SRCIN1: variants seen among roughly 807,000 people sequenced by gnomAD.
The protein encoded by SRCIN1 is SRC kinase signaling inhibitor 1.
In SRCIN1, 50 loss-of-function variants were observed where a neutral mutation model predicts 116.2. That is an observed-to-expected ratio of 0.43 (90% CI 0.34 to 0.54). The LOEUF (loss-of-function observed/expected upper bound fraction) is 0.54. Ranked by LOEUF, SRCIN1 falls within the 20% of genes least tolerant of loss-of-function variation. The probability of loss-of-function intolerance (pLI) is 0.02; values close to 1 mark genes in which losing one functional copy is unlikely to be tolerated. For missense variants in SRCIN1, 1,446 were observed against 1,672.0 expected, an observed-to-expected ratio of 0.86 and a Z score of 2.36; for synonymous variants, 736 against 750.0, an observed-to-expected ratio of 0.98 and a Z score of 0.30.
intron 18 of SRCIN1, among the ~76,000 whole-genome samples, chr17:38,536,975 G>C (rs1904415272): frequency 6.6e-6 from 1 of 151,982 alleles, no homozygotes; most frequent in Non-Finnish European, 1.5e-5. Flanking sequence ...CCAGGAGTTT[G>C]AGACCAGCCT....
intron 3 of SRCIN1, among the ~76,000 whole-genome samples, chr17:38,567,757 G>A (rs937208595): frequency 6.6e-6 from 1 of 152,122 alleles, no homozygotes; most frequent in Non-Finnish European, 1.5e-5. Context: ...TGCCTAGCAC[G>A]GACCAGCCCC....
At chr17:38,560,668 G>A (rs1451993611) in intron 7 of SRCIN1, among the ~76,000 whole-genome samples, 2 of 152,130 alleles carry the variant, frequency 1.3e-5, no homozygotes, top group Non-Finnish European at 2.9e-5. Context: ...TCCCCTGCCT[G>A]CTCTGCCTTT....
At chr17:38,551,493 G>A (rs1000325082) in intron 14 of SRCIN1, 104 bp from the exon 15 acceptor site, 42 of 1,002,440 alleles carry the variant, frequency 4.2e-5, no homozygotes, top group Middle Eastern at 4.8e-4. Flanking sequence ...AATAGAAAAC[G>A]AAGCCTCATA....
chr17:38,600,150 T>C (rs550722686), intron 1 of SRCIN1, among the ~76,000 whole-genome samples: 1 of 152,344 alleles, frequency 6.6e-6, no homozygotes, highest in African/African-American at 2.4e-5. Context: ...TTGCTGCATT[T>C]CCTCTGGCCC....
chr17:38,533,103 A>AAAC lies in SRCIN1; in HGVS notation c.*193_*194insGTT. On this transcript the variant is annotated 3_prime_UTR_variant, in exon 19 of 19. Transcript: ENST00000617146. ...AATTAAAAGTTAATTGTTAAAAAAAAAAAAAAAAACAAAACCAAAAACACC... is the reference window on the plus strand; with the variant it reads ...AATTAAAAGTTAATTGTTAAAAAAAAAACAAAAAAAAACAAAACCAAAAACACC... 1 of 424,130 alleles carries AAAC rather than the reference A, an allele frequency of 2.4e-6. No individual in the cohort carries two copies. The highest frequency in any genetic ancestry group is 3.7e-6 in the Non-Finnish European group (1 of 267,848). The allele number at this position is 424,130 out of a possible 1,614,324, so 26.3% of individuals were successfully genotyped here.
At position 38,562,501 on chromosome 17, in the gene SRCIN1, A is replaced by G. The variant is rs1404161924; in HGVS notation, c.835-173T>C. 3.3e-5 allele frequency among the ~76,000 whole-genome samples: 5 copies of G among 152,116 alleles called. No homozygotes were observed. On this transcript the variant is annotated intron_variant, in intron 6 of 18. Transcript: ENST00000617146. This position sits in a 1 kb window ranked among gnomAD's most constrained non-coding sequence, Gnocchi z 4.2. ...TTTCCCATCAGGGTTCCTAGCATGG[A>G]GGAAAAGGTGGCCGATGAAGAGGCA... is the stretch of plus-strand genomic sequence containing the variant.
chr17:38,547,898 G>A (rs957801043), intron 17 of SRCIN1: 1 of 173,030 alleles, frequency 5.8e-6, no homozygotes, highest in African/African-American at 2.4e-5. Flanking sequence ...AGCAGAAGGT[G>A]GGGGCAGGTT....
chr17:38,556,527 C>T lies in SRCIN1; in HGVS notation c.2201+1700G>A, dbSNP rs142354997. On this transcript the variant is annotated intron_variant, in intron 11 of 18. Transcript: ENST00000617146. The stretch of plus-strand genomic sequence containing the variant: ...TATAGCAAATTGGAGCAAGAGTAAG[C>T]GTAAGCTCCTGGAGTAACCACGAGC... 1.3e-3 allele frequency among the ~76,000 whole-genome samples: 199 copies of T among 152,358 alleles called. 1 individual carries two copies. Among genetic ancestry groups the T allele is most frequent in the South Asian group, 5.8e-3 (28 of 4,832 alleles).
intron 2 of SRCIN1, among the ~76,000 whole-genome samples, chr17:38,575,942 T>A (rs1181139805): frequency 1.3e-5 from 2 of 152,184 alleles, no homozygotes; most frequent in Non-Finnish European, 2.9e-5. Flanking sequence ...CCATGGCAAG[T>A]GAACGGGCCA....
At chr17:38,543,767 G>T in intron 18 of SRCIN1, 56 bp downstream of exon 18, 1 of 1,575,826 alleles carries the variant, frequency 6.3e-7, no homozygotes, top group African/African-American at 1.3e-5. Flanking sequence ...CAGTGGGGCA[G>T]GGGCCCGGCA....
intron 3 of SRCIN1, among the ~76,000 whole-genome samples, chr17:38,566,323 C>T (rs917344701): frequency 6.6e-6 from 1 of 152,184 alleles, no homozygotes; most frequent in African/African-American, 2.4e-5. Flanking sequence ...GCCCAGTGGG[C>T]ACCTTTCCAT....
chr17:38,570,892 G>A (rs1265613299), intron 2 of SRCIN1, among the ~76,000 whole-genome samples: 1 of 152,230 alleles, frequency 6.6e-6, no homozygotes, highest in Non-Finnish European at 1.5e-5. Context: ...CCGGTCACTT[G>A]GATGCATGAG....
In SRCIN1 at chr17:38,562,895, T is replaced by C; in HGVS notation, c.766A>G (p.Lys256Glu). 1 of 1,613,732 alleles carries C rather than the reference T, an allele frequency of 6.2e-7. No homozygotes were observed. The highest frequency in any genetic ancestry group is 8.5e-7 in the Non-Finnish European group (1 of 1,179,794). ...TAGAGGGGCTCCTTTCTGTAGATCT[T>C]GATAATACTGCGGTCCTGGATGTCC... is the stretch of plus-strand genomic sequence containing the variant. ...VRDIQDRSII[K>E]IYRKEPLYAA... The change falls in exon 6 of 19, where the codon AAG becomes GAG. Residue 256 changes from lysine to glutamate, a missense_variant. By Grantham distance (56) the Lys-to-Glu change is moderately conservative. Transcript: ENST00000617146. This position sits in a 1 kb window ranked among gnomAD's most constrained non-coding sequence, Gnocchi z 4.2.
chr17:38,592,910 A>C (rs969477101), intron 1 of SRCIN1, among the ~76,000 whole-genome samples: 2 of 152,058 alleles, frequency 1.3e-5, no homozygotes, highest in Admixed American at 1.3e-4. Flanking sequence ...GAGGTAAGGA[A>C]GGGAGGGCTG....
chr17:38,580,013 A>T (rs573267031), intron 1 of SRCIN1, among the ~76,000 whole-genome samples: 1 of 152,284 alleles, frequency 6.6e-6, no homozygotes, highest in African/African-American at 2.4e-5. Flanking sequence ...AGTGTGGCCT[A>T]GGACTGGGGC....
chr17:38,576,177 C>A (rs1481276922), intron 2 of SRCIN1, among the ~76,000 whole-genome samples: 2 of 152,120 alleles, frequency 1.3e-5, no homozygotes, highest in Non-Finnish European at 2.9e-5. Context: ...TCATCCTTTT[C>A]CTGGCCCAAT....
At chr17:38,553,060 T>C (rs1442873325) in intron 11 of SRCIN1, among the ~76,000 whole-genome samples, 2 of 151,958 alleles carry the variant, frequency 1.3e-5, no homozygotes, top group African/African-American at 4.8e-5. Context: ...TTCAAGACCA[T>C]CCTGGGCAAC....
At position 38,604,175 on chromosome 17, in the gene SRCIN1, A is replaced by T. The variant is rs189406377; in HGVS notation, c.22+1509T>A. The stretch of plus-strand genomic sequence containing the variant: ...CAGACCAAGATACCAAGAGTCGGGA[A>T]GAAGGTATCCTGACGACCCCCCAAA... On this transcript the variant is annotated intron_variant, in intron 1 of 18. Coordinates refer to ENST00000617146, the MANE Select transcript of SRCIN1 (RefSeq NM_025248.3). The surrounding 1 kb of genome is among the most constrained non-coding windows in gnomAD (Gnocchi z 4.3). Among the ~76,000 whole-genome samples the T allele has an allele frequency of 6.6e-6, 1 of 152,168 alleles. No individual in the cohort carries two copies. Among genetic ancestry groups the T allele is most frequent in the Non-Finnish European group, 1.5e-5 (1 of 68,026 alleles).
intron 1 of SRCIN1, among the ~76,000 whole-genome samples, chr17:38,603,850 C>T (rs373981290): frequency 4.6e-5 from 7 of 152,170 alleles, no homozygotes; most frequent in African/African-American, 1.2e-4. Context: ...TCCCCAGCAA[C>T]TCTCAGCTTG....
Sources: gnomAD v4.1 joint callset for allele counts (sites outside exome capture counted in the v4.1 genomes callset) on GRCh38, gnomAD v4.1.1 for gene constraint, Gnocchi (gnomAD v3.1) non-coding constraint, MANE v1.5 for transcripts, NCBI Gene and HGNC (gene_info 2026-07-23, HGNC 2026-07-21) for gene names.